VARS1: variants seen among roughly 807,000 people sequenced by gnomAD.
The protein encoded by VARS1 is valyl-tRNA synthetase 1.
VARS1 carries 92 observed loss-of-function variants against 161.0 expected under a neutral mutation model. That is an observed-to-expected ratio of 0.57 (90% CI 0.48 to 0.68). The LOEUF (loss-of-function observed/expected upper bound fraction) is 0.68, where lower values mean the gene tolerates loss of function less well. Among genes scored for constraint, VARS1 ranks in the 30% least tolerant of loss-of-function variants. The pLI is 0.00. For synonymous variants in VARS1, 595 were observed against 682.5 expected, an observed-to-expected ratio of 0.87 and a Z score of 2.00; for missense variants, 1,338 against 1,695.9, an observed-to-expected ratio of 0.79 and a Z score of 3.71.
In VARS1 at chr6:31,781,476, C is replaced by T. The variant is rs950510817; in HGVS notation, c.2544+5G>A. On this transcript the variant is annotated splice_donor_5th_base_variant and intron_variant, in intron 21 of 29. Transcript: ENST00000375663. The surrounding 1 kb of genome is among the most constrained non-coding windows in gnomAD (Gnocchi z 6.8). Reference sequence around the variant, plus strand: ...GCGATGGGAGGGTCTCGGCTGTCTCCGCACCTCTCTAAAGGGCAGCCTGCC... The same window carrying T: ...GCGATGGGAGGGTCTCGGCTGTCTCTGCACCTCTCTAAAGGGCAGCCTGCC... 3 of 1,611,626 alleles carry T rather than the reference C, an allele frequency of 1.9e-6. No individual in the cohort carries two copies. Among genetic ancestry groups the T allele is most frequent in the South Asian group, 1.1e-5 (1 of 90,936 alleles).
At position 31,795,081 on chromosome 6, in the gene VARS1, G is replaced by C; in HGVS notation, c.137C>G (p.Pro46Arg). The C allele has an allele frequency of 6.6e-7, 1 of 1,504,228 alleles. No individual in the cohort carries two copies. The allele number at this position is 1,504,228 out of a possible 1,614,324, so 93.2% of individuals were successfully genotyped here. A position where few individuals can be genotyped will look rare whatever the true frequency, so the allele number is the denominator to read the frequency against. ...TGGGGGAAAGGGAGTCCTGCTAGTC[G>C]GGGGTGGCTGGAGACAGATGCGGGG... ...AHPRICLQPP[P>R]TSRTPFPPPR... The change falls in exon 2 of 30, where the codon CCG (proline) becomes CGG (arginine). Residue 46 changes from proline to arginine, a missense_variant. Physicochemically the swap from Pro to Arg is moderately radical, Grantham distance 103. Coordinates refer to ENST00000375663, the MANE Select transcript of VARS1 (RefSeq NM_006295.3). This position sits in a 1 kb window ranked among gnomAD's most constrained non-coding sequence, Gnocchi z 6.9.
intron 8 of VARS1, among the ~76,000 whole-genome samples, chr6:31,786,274 A>C (rs1357701508): frequency 3.3e-5 from 5 of 151,832 alleles, no homozygotes; most frequent in Non-Finnish European, 5.9e-5. Flanking sequence ...AAACAAACAA[A>C]AAAAAAAAGA....
Position 31,785,308 on chromosome 6 carries a change from G to A in VARS1, c.1285C>T (p.His429Tyr), listed in dbSNP as rs766750454. 1.2e-6 allele frequency: 2 copies of A among 1,613,068 alleles called. No individual in the cohort carries two copies. The highest frequency in any genetic ancestry group is 8.5e-7 in the Non-Finnish European group (1 of 1,180,026). Reference protein sequence around the residue: ...WKEEKGDRIYHQLKKLGSSLD... With the variant: ...WKEEKGDRIYYQLKKLGSSLD... ...GAGCTGCCAAGCTTCTTCAACTGGTGGTAAATCCGGTCACCTTTCCTGGAA... is the reference window on the plus strand; with the variant it reads ...GAGCTGCCAAGCTTCTTCAACTGGTAGTAAATCCGGTCACCTTTCCTGGAA... Residue 429 changes from histidine (H) to tyrosine (Y), a missense_variant, in exon 10 of 30, where the codon CAC (histidine) becomes TAC (tyrosine). This residue lies in a region of VARS1 where 902 missense variants were observed against 1,090.3 expected (regional missense o/e 0.83). Transcript: ENST00000375663. The surrounding 1 kb of genome is among the most constrained non-coding windows in gnomAD (Gnocchi z 6.1).
rs753614525 is a variant in VARS1 at position 31,784,534 on chromosome 6, GGGGCCA to G, written c.1468-38_1468-33del. The G allele has an allele frequency of 3.1e-6, 5 of 1,613,626 alleles. No individual in the cohort carries two copies. Among genetic ancestry groups the G allele is most frequent in the Non-Finnish European group, 4.2e-6 (5 of 1,180,048 alleles). On this transcript the variant is annotated intron_variant, in intron 11 of 29. Coordinates refer to ENST00000375663, the MANE Select transcript of VARS1 (RefSeq NM_006295.3). The surrounding 1 kb of genome is among the most constrained non-coding windows in gnomAD (Gnocchi z 6.1). ...AATGGGTATTTAGAGGCGTGGCCCAGGGGCCAGGGCCAGGGCCAGGGTAGATTGGAG... is the reference window on the plus strand; with the variant it reads ...AATGGGTATTTAGAGGCGTGGCCCAGGGGCCAGGGCCAGGGTAGATTGGAG...
chr6:31,780,168 G>A lies in VARS1; in HGVS notation c.2926-15C>T. On this transcript the variant is annotated splice_polypyrimidine_tract_variant and intron_variant, in intron 25 of 29. Transcript: ENST00000375663. The surrounding 1 kb of genome is among the most constrained non-coding windows in gnomAD (Gnocchi z 5.1). The stretch of plus-strand genomic sequence containing the variant: ...TGGCCTCCGGGCTTGGGGAGAGAGG[G>A]TGTATCAGCCGGCGGGCCAGGGGAG... 1.9e-6 allele frequency: 3 copies of A among 1,612,556 alleles called. No homozygotes were observed. Among genetic ancestry groups the A allele is most frequent in the Non-Finnish European group, 1.7e-6 (2 of 1,179,732 alleles).
In VARS1 at chr6:31,795,392, G is replaced by T. The variant is rs1416953790; in HGVS notation, c.-33-142C>A. The T allele has an allele frequency of 4.2e-6, 2 of 477,662 alleles. No individual in the cohort carries two copies. The highest frequency in any genetic ancestry group is 6.7e-6 in the Non-Finnish European group (2 of 298,080). The allele number at this position is 477,662 out of a possible 1,614,324, so 29.6% of individuals were successfully genotyped here. The stretch of plus-strand genomic sequence containing the variant: ...GAGGGTCTGACCAGGCAGGCTGTCA[G>T]GAGCCGAGGACCTGGCTCTCAGAGG... On this transcript the variant is annotated intron_variant, in intron 1 of 29. Coordinates refer to ENST00000375663, the MANE Select transcript of VARS1 (RefSeq NM_006295.3). The surrounding 1 kb of genome is among the most constrained non-coding windows in gnomAD (Gnocchi z 6.9).
Position 31,780,486 on chromosome 6 carries a change from G to A in VARS1, c.2880C>T (p.Ala960=). 1.9e-6 allele frequency: 3 copies of A among 1,614,024 alleles called. No individual in the cohort carries two copies. The African/African-American group carries it at 4.0e-5, about 22-fold the overall frequency. ...CNKLWNATKF[A]LRGLGKGFVP... ...CAAAACCCTTCCCAAGGCCACGAAG[G>A]GCAAACTTGGTGGCATTCCAGAGCT... Residue 960 remains alanine (A), a synonymous_variant, in exon 25 of 30, where the codon GCC becomes GCT. Coordinates refer to ENST00000375663, the MANE Select transcript of VARS1 (RefSeq NM_006295.3). This position sits in a 1 kb window ranked among gnomAD's most constrained non-coding sequence, Gnocchi z 5.1.
rs1813972987 is a variant in VARS1, at chr6:31,792,804, C to T, written c.614G>A (p.Gly205Glu). 6.2e-7 allele frequency: 1 copy of T among 1,614,206 alleles called. No homozygotes were observed. The highest frequency in any genetic ancestry group is 8.5e-7 in the Non-Finnish European group (1 of 1,180,030). Residue 205 changes from glycine (G) to glutamate (E), a missense_variant, in exon 4 of 30, where the codon GGA becomes GAA. Physicochemically the swap from Gly to Glu is moderately conservative, Grantham distance 98. Around this residue, in one of 3 missense-constraint regions of VARS1, gnomAD observed 902 missense variants for 1,090.3 expected, o/e 0.83. Transcript: ENST00000375663. ...VRQPEFRAVLGEVVLYSGARP... is the reference protein window; with the variant it reads ...VRQPEFRAVLEEVVLYSGARP... ...GGCTCCTGAGTATAGAACCACTTCT[C>T]CTAGCACGGCTCGGAATTCTGGCTG...
At position 31,785,739 on chromosome 6, in the gene VARS1, AG is replaced by A; in HGVS notation, c.1101-7del. On this transcript the variant is annotated splice_polypyrimidine_tract_variant and splice_region_variant and intron_variant, in intron 8 of 29. Transcript: ENST00000375663. This position sits in a 1 kb window ranked among gnomAD's most constrained non-coding sequence, Gnocchi z 6.1. The stretch of plus-strand genomic sequence containing the variant: ...TCTCCCCACGCATGCGGTGCCTGTT[AG>A]GGGGCATGGAGGACCAGAGGGTGAG... 1.2e-6 allele frequency: 2 copies of A among 1,606,992 alleles called. No individual in the cohort carries two copies. Among genetic ancestry groups the A allele is most frequent in the Non-Finnish European group, 8.5e-7 (1 of 1,177,732 alleles).
At position 31,781,068 on chromosome 6, in the gene VARS1, A is replaced by G; in HGVS notation, c.2600T>C (p.Leu867Pro). ...GTCCAGGGGATCGATGACATTGCCT[A>G]GAGACTTGCTCATCTTCCGGCCGTG... ...DAHGRKMSKS[L>P]GNVIDPLDVI... The change falls in exon 22 of 30, where the codon CTA becomes CCA. Residue 867 changes from leucine (L) to proline (P), a missense_variant. Physicochemically the swap from Leu to Pro is moderately conservative, Grantham distance 98 (BLOSUM62 -3). Around this residue, in one of 3 missense-constraint regions of VARS1, gnomAD observed 433 missense variants for 586.2 expected, o/e 0.74. Coordinates refer to ENST00000375663, the MANE Select transcript of VARS1 (RefSeq NM_006295.3). This position sits in a 1 kb window ranked among gnomAD's most constrained non-coding sequence, Gnocchi z 6.8. 6.2e-7 allele frequency: 1 copy of G among 1,613,704 alleles called. No individual in the cohort carries two copies. The highest frequency in any genetic ancestry group is 1.3e-5 in the African/African-American group (1 of 75,050).
rs1468667582 is a variant in VARS1 at position 31,789,154 on chromosome 6, A to T, written c.1100+2456T>A. Among the ~76,000 whole-genome samples, 18 of 152,276 alleles carry T rather than the reference A, an allele frequency of 1.2e-4. No individual in the cohort carries two copies. The East Asian group carries it at 3.3e-3, about 28-fold the overall frequency. On this transcript the variant is annotated intron_variant, in intron 8 of 29. Transcript: ENST00000375663. ...AATAGTAACAGAAAACAGGAGAAAC[A>T]TTTACAATTAACAGGAAAACTACCA...
chr6:31,780,351 T>C lies in VARS1; in HGVS notation c.2925+90A>G. The C allele has an allele frequency of 1.3e-6, 2 of 1,556,016 alleles. No individual in the cohort carries two copies. Among genetic ancestry groups the C allele is most frequent in the Non-Finnish European group, 1.7e-6 (2 of 1,151,038 alleles). On this transcript the variant is annotated intron_variant, in intron 25 of 29. Coordinates refer to ENST00000375663, the MANE Select transcript of VARS1 (RefSeq NM_006295.3). This position sits in a 1 kb window ranked among gnomAD's most constrained non-coding sequence, Gnocchi z 5.1. ...CCCTTTAACTGTCTGTCTCTGTGTC[T>C]ATCTGTCCCCCCAGCTACATGGAGG...
Position 31,778,861 on chromosome 6 carries a change from G to T in VARS1, c.3726+106C>A. 7.0e-7 allele frequency: 1 copy of T among 1,436,386 alleles called. No homozygotes were observed. Among genetic ancestry groups the T allele is most frequent in the Non-Finnish European group, 9.6e-7 (1 of 1,043,446 alleles). The allele number at this position is 1,436,386 out of a possible 1,614,324, so 89.0% of individuals were successfully genotyped here. The stretch of plus-strand genomic sequence containing the variant: ...AGAAGGAACAAAGAAATCTGTAACT[G>T]GTTACGATCAATTAGTTGTCAACAC... On this transcript the variant is annotated intron_variant, in intron 29 of 29. Coordinates refer to ENST00000375663, the MANE Select transcript of VARS1 (RefSeq NM_006295.3). This position sits in a 1 kb window ranked among gnomAD's most constrained non-coding sequence, Gnocchi z 5.1.
In VARS1 at chr6:31,791,152, C is replaced by G. The variant is rs1360830860; in HGVS notation, c.1100+458G>C. ...GGCAACAGAACAAGACTCTGTCCCCCCAAAAAAAAATATATATATTCATAT... is the reference window on the plus strand; with the variant it reads ...GGCAACAGAACAAGACTCTGTCCCCGCAAAAAAAAATATATATATTCATAT... On this transcript the variant is annotated intron_variant, in intron 8 of 29. Coordinates refer to ENST00000375663, the MANE Select transcript of VARS1 (RefSeq NM_006295.3). The surrounding 1 kb of genome is among the most constrained non-coding windows in gnomAD (Gnocchi z 5.0). Among the ~76,000 whole-genome samples, 2 of 151,058 alleles carry G rather than the reference C, an allele frequency of 1.3e-5. No individual in the cohort carries two copies. Among genetic ancestry groups the G allele is most frequent in the Non-Finnish European group, 2.9e-5 (2 of 67,810 alleles).
chr6:31,791,972 C>T lies in VARS1; in HGVS notation c.872-1G>A. On this transcript the variant is annotated splice_acceptor_variant, in intron 6 of 29. Transcript: ENST00000375663. LOFTEE classifies it high-confidence loss of function. This position sits in a 1 kb window ranked among gnomAD's most constrained non-coding sequence, Gnocchi z 5.0. ...GAGTCGGGCATGGGGCCACTGACAT[C>T]TGGGGGAGAGGAAGGGAGGGCTCAG... 1 of 1,581,034 alleles carries T rather than the reference C, an allele frequency of 6.3e-7. No individual in the cohort carries two copies.
At position 31,780,807 on chromosome 6, in the gene VARS1, G is replaced by C; in HGVS notation, c.2719-24C>G. ...TTCTACAGGGAAGAGGCAGGGGGAG[G>C]AGCGTCCTCAGCCAGCCCCATCCAC... On this transcript the variant is annotated intron_variant, in intron 23 of 29. Coordinates refer to ENST00000375663, the MANE Select transcript of VARS1 (RefSeq NM_006295.3). This position sits in a 1 kb window ranked among gnomAD's most constrained non-coding sequence, Gnocchi z 5.1. 1 of 1,614,186 alleles carries C rather than the reference G, an allele frequency of 6.2e-7. No individual in the cohort carries two copies. Among genetic ancestry groups the C allele is most frequent in the Non-Finnish European group, 8.5e-7 (1 of 1,180,026 alleles).
chr6:31,786,798 T>C (rs564549095), intron 8 of VARS1, among the ~76,000 whole-genome samples: 1 of 151,888 alleles, frequency 6.6e-6, no homozygotes, highest in East Asian at 1.9e-4. Context: ...ACAAGCAAAT[T>C]TAGTGTTTGT....
At chr6:31,790,645 A>G (rs1008003580) in intron 8 of VARS1, among the ~76,000 whole-genome samples, 1 of 145,714 alleles carries the variant, frequency 6.9e-6, no homozygotes, top group African/African-American at 2.5e-5. Context: ...TGACTTCACT[A>G]TGGTACAGCC....
At chr6:31,790,104 T>TA (rs536213828) in intron 8 of VARS1, among the ~76,000 whole-genome samples, 2,449 of 143,908 alleles carry the variant, frequency 0.017, 21 homozygotes, top group African/African-American at 0.019. Flanking sequence ...GCTGATGAGC[T>TA]AAAAAAAAAA....
Sources: gnomAD v4.1 joint callset for allele counts (sites outside exome capture counted in the v4.1 genomes callset) on GRCh38, gnomAD v4.1.1 for gene constraint, gnomAD v4.1.1 regional missense constraint, Gnocchi (gnomAD v3.1) non-coding constraint, MANE v1.5 for transcripts, NCBI Gene and HGNC (gene_info 2026-07-23, HGNC 2026-07-21) for gene names.